The following LINGO2 variants were observed in gnomAD, a reference collection of about 807,000 sequenced individuals.
The protein encoded by LINGO2 is leucine rich repeat and Ig domain containing 2.
In LINGO2, 14 loss-of-function variants were observed where a neutral mutation model predicts 30.6. The ratio of observed to expected loss-of-function variants is 0.46; its 90% CI spans 0.30 to 0.72. The LOEUF is 0.72. LINGO2 is among the 30% of genes least tolerant of loss of function. LINGO2 has a pLI of 0.07. For synonymous variants in LINGO2, 317 were observed against 288.5 expected, an observed-to-expected ratio of 1.10 and a Z score of -1.00; for missense variants, 729 against 751.7, an observed-to-expected ratio of 0.97 and a Z score of 0.35.
intron 4 of LINGO2, among the ~76,000 whole-genome samples, chr9:28,081,592 A>G (rs1825775454): frequency 6.6e-6 from 1 of 152,232 alleles, no homozygotes; most frequent in Admixed American, 6.5e-5. Context: ...AATTCTGGAT[A>G]GAGAACGAGC....
At chr9:29,039,751 G>C in the LINGO2 span, among the ~76,000 whole-genome samples, 4 of 152,164 alleles carry the variant, frequency 2.6e-5, no homozygotes, top group Non-Finnish European at 5.9e-5. Context: ...TGCCTGGCCA[G>C]CTATGGGCTG....
intron 4 of LINGO2, among the ~76,000 whole-genome samples, chr9:28,256,811 G>A (rs1396789810): frequency 6.6e-6 from 1 of 151,802 alleles, no homozygotes; most frequent in African/African-American, 2.4e-5. Context: ...AACATACAAA[G>A]AAGTATAAAA....
Position 28,049,107 on chromosome 9 carries a change from G to C in LINGO2, c.-86-36702C>G, listed in dbSNP as rs149141677. On this transcript the variant is annotated intron_variant, in intron 4 of 5. Transcript: ENST00000379992. ...GAGTAATGTGTTTGCACATCACTAA[G>C]TGTATGCAATGCCTTCATGTCTTCA... is the stretch of plus-strand genomic sequence containing the variant. Among the ~76,000 whole-genome samples the C allele has an allele frequency of 5.6e-3, 842 of 151,008 alleles. 48 individuals are homozygous for C. Among genetic ancestry groups the C allele is most frequent in the African/African-American group, 0.02 (808 of 40,938 alleles).
At chr9:28,999,589 C>G in the LINGO2 span, among the ~76,000 whole-genome samples, 416 of 152,032 alleles carry the variant, frequency 2.7e-3, 2 homozygotes, top group African/African-American at 9.4e-3. Flanking sequence ...ATACTTCCTT[C>G]AAACTTTGTC....
chr9:28,687,253 G>A, the LINGO2 span, among the ~76,000 whole-genome samples: 2 of 151,988 alleles, frequency 1.3e-5, no homozygotes, highest in Admixed American at 6.6e-5. Flanking sequence ...CAGTAGAGAG[G>A]GAGGCATTCT....
At chr9:28,908,196 G>A in the LINGO2 span, among the ~76,000 whole-genome samples, 55 of 151,370 alleles carry the variant, frequency 3.6e-4, no homozygotes, top group Admixed American at 2.4e-3. Flanking sequence ...CAAGCAGGTT[G>A]CACTGCTGTG....
At chr9:27,958,275 C>A (rs144726833) in intron 5 of LINGO2, among the ~76,000 whole-genome samples, 60 of 152,140 alleles carry the variant, frequency 3.9e-4, no homozygotes, top group African/African-American at 1.4e-3. Context: ...ATTAAACCAA[C>A]CTCACACTTC....
chr9:28,382,260 T>C (rs1457542384), intron 2 of LINGO2, among the ~76,000 whole-genome samples: 1 of 152,162 alleles, frequency 6.6e-6, no homozygotes, highest in Non-Finnish European at 1.5e-5. Flanking sequence ...CATTTATATT[T>C]ATGACATTCA....
chr9:28,111,631 C>T (rs1826794342), intron 4 of LINGO2, among the ~76,000 whole-genome samples: 2 of 152,070 alleles, frequency 1.3e-5, no homozygotes, highest in South Asian at 4.1e-4. Context: ...TGTGCTCCCC[C>T]TTTCTGCAAG....
At chr9:28,388,562 T>C (rs577345760) in intron 2 of LINGO2, among the ~76,000 whole-genome samples, 25 of 152,326 alleles carry the variant, frequency 1.6e-4, no homozygotes, top group African/African-American at 5.5e-4. Flanking sequence ...TCCACATCTT[T>C]GCCAAAACTT....
the LINGO2 span, among the ~76,000 whole-genome samples, chr9:29,040,705 T>C: frequency 7.9e-5 from 12 of 152,046 alleles, no homozygotes; most frequent in African/African-American, 2.2e-4. Flanking sequence ...ATCAGTAGAA[T>C]GCATATTTAA....
At chr9:28,889,488 C>G in the LINGO2 span, among the ~76,000 whole-genome samples, 1 of 151,582 alleles carries the variant, frequency 6.6e-6, no homozygotes, top group East Asian at 1.9e-4. Context: ...ACTTTTCATT[C>G]TGGATATAAA....
intron 4 of LINGO2, among the ~76,000 whole-genome samples, chr9:28,025,653 T>C (rs1823340334): frequency 6.6e-6 from 1 of 152,332 alleles, no homozygotes; most frequent in African/African-American, 2.4e-5. Context: ...GGTTTCATGG[T>C]TGGAGGCCAG....
chr9:28,459,746 A>G (rs1825000083), intron 2 of LINGO2, among the ~76,000 whole-genome samples: 1 of 152,074 alleles, frequency 6.6e-6, no homozygotes, highest in Non-Finnish European at 1.5e-5. Context: ...TGGCATTCTT[A>G]TAAGACTGTT....
chr9:28,679,660 G>A, the LINGO2 span, among the ~76,000 whole-genome samples: 1 of 151,716 alleles, frequency 6.6e-6, no homozygotes, highest in African/African-American at 2.4e-5. Flanking sequence ...TAATAAAGAG[G>A]GTTTATAATT....
intron 1 of LINGO2, among the ~76,000 whole-genome samples, chr9:28,591,363 G>T (rs1824900683): frequency 1.3e-5 from 2 of 151,928 alleles, no homozygotes; most frequent in Admixed American, 1.3e-4. Flanking sequence ...CTGCTTACTT[G>T]CAGTCTGCTT....
chr9:28,399,488 CTG>C (rs1822177133), intron 2 of LINGO2, among the ~76,000 whole-genome samples: 2 of 152,086 alleles, frequency 1.3e-5, no homozygotes, highest in South Asian at 4.2e-4. Context: ...AATTACATAA[CTG>C]TTAAAAATGA....
chr9:28,098,874 A>C (rs1379057413), intron 4 of LINGO2, among the ~76,000 whole-genome samples: 4 of 152,068 alleles, frequency 2.6e-5, no homozygotes, highest in African/African-American at 9.7e-5. Context: ...CTGATATGGG[A>C]GGAAATGGTG....
At chr9:28,834,606 G>A in the LINGO2 span, among the ~76,000 whole-genome samples, 2 of 152,088 alleles carry the variant, frequency 1.3e-5, no homozygotes, top group African/African-American at 4.8e-5. Flanking sequence ...AGTCTGAGCA[G>A]ACAAAAATGC....
Sources: gnomAD v4.1 joint callset for allele counts (sites outside exome capture counted in the v4.1 genomes callset) on GRCh38, gnomAD v4.1.1 for gene constraint, MANE v1.5 for transcripts, NCBI Gene and HGNC (gene_info 2026-07-23, HGNC 2026-07-21) for gene names.